Variants in GRM1 observed in about 807,000 individuals in gnomAD.
GRM1 encodes the protein metabotropic glutamate receptor 1.
In GRM1, 33 loss-of-function variants were observed where a neutral mutation model predicts 90.9. That is an observed-to-expected ratio of 0.36 (90% CI 0.28 to 0.49). The LOEUF (loss-of-function observed/expected upper bound fraction) is 0.49, where lower values mean the gene tolerates loss of function less well. Ranked by LOEUF, GRM1 falls within the 20% of genes least tolerant of loss-of-function variation. The probability of loss-of-function intolerance (pLI) is 0.99; values close to 1 mark genes in which losing one functional copy is unlikely to be tolerated. For synonymous variants in GRM1, 700 were observed against 613.2 expected (o/e 1.14, Z -2.09); for missense variants, 1,190 against 1,534.3 (o/e 0.78, Z 3.75).
intron 2 of GRM1, among the ~76,000 whole-genome samples, chr6:146,281,968 C>T (rs934640101): frequency 6.6e-6 from 1 of 152,136 alleles, no homozygotes; most frequent in African/African-American, 2.4e-5. Context: ...GCTCAAATTC[C>T]AGTGGAGGAG....
chr6:146,378,208 G>T (rs2206960), intron 5 of GRM1, among the ~76,000 whole-genome samples: 88,227 of 152,036 alleles, frequency 0.58, 27,930 homozygotes, highest in African/African-American at 0.86. Context: ...AAATGTGGGG[G>T]GTGAGCCCCC....
At chr6:146,067,702 T>G (rs1775892107) in intron 1 of GRM1, among the ~76,000 whole-genome samples, 1 of 152,154 alleles carries the variant, frequency 6.6e-6, no homozygotes, top group East Asian at 1.9e-4. Context: ...TTTTTCTTAT[T>G]TTTTAAAAAA....
intron 1 of GRM1, among the ~76,000 whole-genome samples, chr6:146,057,218 A>T (rs1258930939): frequency 6.6e-6 from 1 of 152,128 alleles, no homozygotes; most frequent in African/African-American, 2.4e-5. Flanking sequence ...CTGTGACACA[A>T]TTCCTTGGAG....
intron 6 of GRM1, among the ~76,000 whole-genome samples, chr6:146,392,923 A>G (rs1173583312): frequency 6.6e-6 from 1 of 152,064 alleles, no homozygotes; most frequent in African/African-American, 2.4e-5. Context: ...CATTTTCTTT[A>G]TCTAGTCTAT....
chr6:146,260,804 G>GTTTTTTTTTTTTTTTTTTTTTTTTTTT (rs56956724), intron 2 of GRM1, among the ~76,000 whole-genome samples: 1 of 22,740 alleles, frequency 4.4e-5, no homozygotes, highest in African/African-American at 1.7e-4. Flanking sequence ...GGTTATTTGG[G>GTTTTTTTTTTTTTTTTTTTTTTTTTTT]TTTTTTTTTT....
At chr6:146,421,487 C>T (rs1041396821) in intron 7 of GRM1, among the ~76,000 whole-genome samples, 6 of 152,038 alleles carry the variant, frequency 3.9e-5, no homozygotes, top group African/African-American at 1.4e-4. Flanking sequence ...ACATATTCAA[C>T]ATAAAATATG....
At chr6:146,084,471 T>C (rs1776474521) in intron 1 of GRM1, among the ~76,000 whole-genome samples, 1 of 152,192 alleles carries the variant, frequency 6.6e-6, no homozygotes, top group South Asian at 2.1e-4. Flanking sequence ...AACTTCTTGA[T>C]TTCTGCCTTA....
chr6:146,249,074 A>C (rs1032832056), intron 2 of GRM1, among the ~76,000 whole-genome samples: 1 of 152,232 alleles, frequency 6.6e-6, no homozygotes, highest in African/African-American at 2.4e-5. Flanking sequence ...AGTTACATGC[A>C]TTCACAAGAA....
intron 6 of GRM1, among the ~76,000 whole-genome samples, chr6:146,396,925 A>G (rs1342548263): frequency 1.3e-5 from 2 of 152,186 alleles, no homozygotes; most frequent in Non-Finnish European, 2.9e-5. Flanking sequence ...AAAGACCTAC[A>G]TGATTACAAA....
At chr6:146,421,548 T>C (rs953892180) in intron 7 of GRM1, among the ~76,000 whole-genome samples, 4 of 152,150 alleles carry the variant, frequency 2.6e-5, no homozygotes. Context: ...CAGATTCATA[T>C]TTAGAATAAT....
chr6:146,419,973 A>G (rs1777930531), intron 7 of GRM1, among the ~76,000 whole-genome samples: 1 of 152,208 alleles, frequency 6.6e-6, no homozygotes, highest in African/African-American at 2.4e-5. Flanking sequence ...GACCAGAGGA[A>G]ACAGGAAATC....
chr6:146,314,155 C>T (rs1783877443), intron 3 of GRM1, among the ~76,000 whole-genome samples: 3 of 143,946 alleles, frequency 2.1e-5, no homozygotes, highest in African/African-American at 7.7e-5. Flanking sequence ...CGACCTCTGC[C>T]TCCCAGGTTC....
chr6:146,363,674 C>G (rs1583389981), intron 5 of GRM1, among the ~76,000 whole-genome samples: 1 of 152,112 alleles, frequency 6.6e-6, no homozygotes, highest in African/African-American at 2.4e-5. Context: ...TATACAGAAA[C>G]AGCTACATAA....
chr6:146,413,266 T>G (rs1357596027), intron 7 of GRM1, among the ~76,000 whole-genome samples: 1 of 152,164 alleles, frequency 6.6e-6, no homozygotes, highest in Non-Finnish European at 1.5e-5. Context: ...TTTTCCCTTA[T>G]AAAACCCTTA....
chr6:146,358,839 A>T (rs1192425550), intron 5 of GRM1, among the ~76,000 whole-genome samples: 2 of 152,230 alleles, frequency 1.3e-5, no homozygotes, highest in African/African-American at 4.8e-5. Context: ...AGCCACTTGG[A>T]CAAAGAAAGA....
intron 5 of GRM1, among the ~76,000 whole-genome samples, chr6:146,374,468 T>G (rs1776019671): frequency 6.6e-6 from 1 of 152,170 alleles, no homozygotes; most frequent in African/African-American, 2.4e-5. Flanking sequence ...AAATGCTTGA[T>G]AGAAATCAGC....
intron 1 of GRM1, among the ~76,000 whole-genome samples, chr6:146,060,913 T>C (rs1321964936): frequency 6.6e-6 from 1 of 152,136 alleles, no homozygotes; most frequent in Non-Finnish European, 1.5e-5. Context: ...CCAGCATCTG[T>C]TATTTTTTGA....
At chr6:146,355,810 A>T (rs886814894) in intron 4 of GRM1, among the ~76,000 whole-genome samples, 1 of 152,202 alleles carries the variant, frequency 6.6e-6, no homozygotes, top group African/African-American at 2.4e-5. Context: ...AATTGCAGGA[A>T]GGATTAAGCA....
chr6:146,086,418 A>G (rs1582982657), intron 1 of GRM1, among the ~76,000 whole-genome samples: 1 of 151,980 alleles, frequency 6.6e-6, no homozygotes. Context: ...AGGCCAGACT[A>G]CTCTGTAAGA....
Sources: gnomAD v4.1 joint callset for allele counts (sites outside exome capture counted in the v4.1 genomes callset) on GRCh38, gnomAD v4.1.1 for gene constraint, MANE v1.5 for transcripts, NCBI Gene and HGNC (gene_info 2026-07-23, HGNC 2026-07-21) for gene names.